Variants in ZNF334 observed in about 807,000 individuals in gnomAD.
ZNF334 encodes the protein zinc finger protein 334.
In ZNF334, 14 loss-of-function variants were observed where a neutral mutation model predicts 12.4. The observed-to-expected ratio is 1.13, with a 90% CI of 0.74 to 1.76. The LOEUF is 1.76. ZNF334 is among the 40% of genes most tolerant of loss of function. The pLI is 0.00. For synonymous variants in ZNF334, 273 were observed against 269.6 expected (o/e 1.01, Z -0.12); for missense variants, 797 against 804.5 (o/e 0.99, Z 0.11).
the ZNF334 span, among the ~76,000 whole-genome samples, chr20:46,470,418 A>T: frequency 6.6e-6 from 1 of 152,204 alleles, no homozygotes; most frequent in Non-Finnish European, 1.5e-5. Flanking sequence ...AGCTGAAGGA[A>T]ACTACCCTGA....
chr20:46,490,326 C>T, the ZNF334 span, among the ~76,000 whole-genome samples: 26 of 152,266 alleles, frequency 1.7e-4, no homozygotes, highest in Non-Finnish European at 2.8e-4. Flanking sequence ...ATGACCCTGT[C>T]GCACAGTAAA....
chr20:46,498,677 T>C (rs957480709), downstream of ZNF334, among the ~76,000 whole-genome samples: 1 of 152,232 alleles, frequency 6.6e-6, no homozygotes, highest in Non-Finnish European at 1.5e-5. Context: ...TACATTAACC[T>C]GTTATGGGGT....
At chr20:46,482,680 TTG>T in the ZNF334 span, among the ~76,000 whole-genome samples, 43 of 152,210 alleles carry the variant, frequency 2.8e-4, no homozygotes, top group Non-Finnish European at 4.7e-4. Context: ...AAAAGATCTA[TTG>T]TGTATAGATA....
At chr20:46,464,116 G>A in the ZNF334 span, 1 of 579,482 alleles carries the variant, frequency 1.7e-6, no homozygotes, top group African/African-American at 1.9e-5. Flanking sequence ...GTATCTGTTT[G>A]CCTGTCTCTG....
the ZNF334 span, among the ~76,000 whole-genome samples, chr20:46,493,419 G>A: frequency 2.8e-4 from 42 of 152,306 alleles, no homozygotes; most frequent in Middle Eastern, 3.4e-3. Context: ...TGAACTAAAG[G>A]GTAAAGAGTT....
At chr20:46,475,858 T>C in the ZNF334 span, among the ~76,000 whole-genome samples, 1 of 152,250 alleles carries the variant, frequency 6.6e-6, no homozygotes, top group African/African-American at 2.4e-5. Context: ...CTCTGGAAAA[T>C]AGTTTGGCAG....
intron 2 of ZNF334, among the ~76,000 whole-genome samples, chr20:46,507,415 T>C (rs1197290972): frequency 6.6e-6 from 1 of 152,088 alleles, no homozygotes; most frequent in East Asian, 1.9e-4. Context: ...GTTGGATCCT[T>C]GAACTGAAAA....
At chr20:46,463,252 C>G in the ZNF334 span, among the ~76,000 whole-genome samples, 1 of 152,114 alleles carries the variant, frequency 6.6e-6, no homozygotes, top group Admixed American at 6.6e-5. Context: ...GAGACTCCAT[C>G]TAAAATAAAC....
chr20:46,509,491 C>A (rs757760847), intron 2 of ZNF334: 13 of 684,276 alleles, frequency 1.9e-5, no homozygotes, highest in Non-Finnish European at 2.7e-5. Context: ...TCAGCAGGAG[C>A]ATGGGGTCAG....
rs1405570 is a variant in ZNF334 at position 46,503,038 on chromosome 20, C to T, written c.301G>A (p.Val101Ile). Residue 101 changes from valine (V) to isoleucine (I), a missense_variant, in exon 5 of 5, where the codon GTA (valine) becomes ATA (isoleucine). By Grantham distance (29) the Val-to-Ile change is conservative. Coordinates refer to ENST00000692313, the MANE Select transcript of ZNF334 (RefSeq NM_001353824.2). ...ATCAGTGTTTTGTTGCTGAAGAATA[C>T]AGTTTGTGTCAAATGTTTATCTTGG... ...EIQDKHLTQTVFFSNKTLITE... is the reference protein window; with the variant it reads ...EIQDKHLTQTIFFSNKTLITE... 7.7e-4 allele frequency: 1,234 copies of T among 1,611,744 alleles called. 14 individuals carry two copies. In the African/African-American group the frequency reaches 0.014, roughly 18 times the overall value.
chr20:46,510,633 G>A (rs540694181), intron 2 of ZNF334, among the ~76,000 whole-genome samples: 7 of 151,710 alleles, frequency 4.6e-5, no homozygotes, highest in Admixed American at 6.6e-5. Flanking sequence ...GGCTGAGGCA[G>A]GAGAATGGTG....
intron 2 of ZNF334, among the ~76,000 whole-genome samples, chr20:46,508,625 G>A (rs2061526356): frequency 6.6e-6 from 1 of 152,198 alleles, no homozygotes; most frequent in Non-Finnish European, 1.5e-5. Flanking sequence ...TTCCATCAGG[G>A]GCATGTGGCA....
chr20:46,504,192 T>C, intron 4 of ZNF334, 22 bp downstream of exon 4: 1 of 1,538,580 alleles, frequency 6.5e-7, no homozygotes, highest in Non-Finnish European at 8.9e-7. Flanking sequence ...TGGTTCCACC[T>C]GCTCAGTTAT....
At position 46,501,060 on chromosome 20, in the gene ZNF334, C is replaced by A. The variant is rs2061140390; in HGVS notation, c.*236G>T. On this transcript the variant is annotated 3_prime_UTR_variant, in exon 5 of 5. Transcript: ENST00000692313. Reference sequence around the variant, plus strand: ...TAAAAGGGAGGCACATTTGGCATAACCTTTGAATTGCTGTTGAATATTTTC... The same window carrying A: ...TAAAAGGGAGGCACATTTGGCATAAACTTTGAATTGCTGTTGAATATTTTC... 2 of 473,544 alleles carry A rather than the reference C, an allele frequency of 4.2e-6. No homozygotes were observed. Among genetic ancestry groups the A allele is most frequent in the Non-Finnish European group, 3.7e-6 (1 of 273,784 alleles). 29.3% of individuals were successfully genotyped at this position (473,544 alleles called of 1,614,324 possible). A position where few individuals can be genotyped will look rare whatever the true frequency, so the allele number is the denominator to read the frequency against.
rs1187320945 is a variant in ZNF334, at chr20:46,512,772, G to C, written c.-271C>G. The C allele has an allele frequency of 6.6e-6, 1 of 152,188 alleles. No individual in the cohort carries two copies. Among genetic ancestry groups the C allele is most frequent in the Non-Finnish European group, 1.5e-5 (1 of 68,032 alleles). 9.4% of individuals were successfully genotyped at this position (152,188 alleles called of 1,614,324 possible). On this transcript the variant is annotated 5_prime_UTR_variant, in exon 1 of 5. Transcript: ENST00000692313. ...AATTCAGTTATTGGATCTGTCACTA[G>C]CAAACTGCATTACTGAAAAAAATAT...
rs138744302 is a variant in ZNF334 at position 46,504,567 on chromosome 20, A to T, written c.148+47T>A. 9.3e-4 allele frequency: 1,440 copies of T among 1,543,372 alleles called. 4 individuals carry two copies. Among genetic ancestry groups the T allele is most frequent in the Middle Eastern group, 2.3e-3 (13 of 5,710 alleles). On this transcript the variant is annotated intron_variant, in intron 3 of 4. Transcript: ENST00000692313. ...AGAAATCAACATGTTTTTGTAACACAGAAGAAATGTATGCTCTTGGGAGTT... is the reference window on the plus strand; with the variant it reads ...AGAAATCAACATGTTTTTGTAACACTGAAGAAATGTATGCTCTTGGGAGTT...
chr20:46,475,830 T>C, the ZNF334 span, among the ~76,000 whole-genome samples: 1 of 152,234 alleles, frequency 6.6e-6, no homozygotes, highest in Non-Finnish European at 1.5e-5. Context: ...CTGGTGGGAA[T>C]GTAAAATGGT....
At chr20:46,503,847 CAATT>C (rs2061336778) in intron 4 of ZNF334, among the ~76,000 whole-genome samples, 1 of 151,992 alleles carries the variant, frequency 6.6e-6, no homozygotes, top group African/African-American at 2.4e-5. Context: ...AAATGGAAGA[CAATT>C]AAAAAGATCA....
the ZNF334 span, among the ~76,000 whole-genome samples, chr20:46,472,001 A>C: frequency 6.6e-6 from 1 of 152,362 alleles, no homozygotes. Context: ...TTTATCAATT[A>C]ACTTGTCAAA....
Sources: allele counts gnomAD v4.1 joint callset (sites outside exome capture counted in the v4.1 genomes callset), GRCh38; gene constraint gnomAD v4.1.1; transcripts MANE v1.5; gene names NCBI Gene and HGNC (gene_info 2026-07-23, HGNC 2026-07-21).